PDSS1: variants seen among roughly 807,000 people sequenced by gnomAD.
PDSS1 encodes the protein decaprenyl diphosphate synthase subunit 1.
Under a neutral mutation model 57.5 loss-of-function variants are expected in PDSS1, and 43 were observed. The ratio of observed to expected loss-of-function variants is 0.75; its 90% CI spans 0.59 to 0.96. The LOEUF is 0.96. Among genes scored for constraint, PDSS1 ranks in the 50% least tolerant of loss-of-function variants. The pLI, the probability that PDSS1 is intolerant of heterozygous loss-of-function variation, is 0.00. For missense variants in PDSS1, 438 were observed against 527.8 expected (o/e 0.83, Z 1.67); for synonymous variants, 175 against 191.3 (o/e 0.91, Z 0.70).
chr10:26,723,735 A>T lies in PDSS1; in HGVS notation c.610-71A>T, dbSNP rs1281637052. ...ACTTCCACGAAGCTCCCTTCCAGTC[A>T]GTTTCATCATTGGCTCTACTGCTCT... On this transcript the variant is annotated intron_variant, in intron 6 of 11. Coordinates refer to ENST00000376215, the MANE Select transcript of PDSS1 (RefSeq NM_014317.5). 14 of 1,023,126 alleles carry T rather than the reference A, an allele frequency of 1.4e-5. No homozygotes were observed. In the East Asian group the frequency reaches 3.3e-4, roughly 24 times the overall value. 63.4% of individuals were successfully genotyped at this position (1,023,126 alleles called of 1,614,324 possible). A position where few individuals can be genotyped will look rare whatever the true frequency, so the allele number is the denominator to read the frequency against.
chr10:26,706,869 T>G (rs911184685), intron 4 of PDSS1, among the ~76,000 whole-genome samples: 2 of 152,190 alleles, frequency 1.3e-5, no homozygotes, highest in Non-Finnish European at 2.9e-5. Context: ...GAAGAAAGAA[T>G]TCGACTGAGG....
chr10:26,700,612 A>C (rs1389553549), intron 1 of PDSS1, among the ~76,000 whole-genome samples: 1 of 151,948 alleles, frequency 6.6e-6, no homozygotes, highest in Non-Finnish European at 1.5e-5. Flanking sequence ...TGGTTTTATA[A>C]GTGTTTGGTA....
intron 6 of PDSS1, among the ~76,000 whole-genome samples, chr10:26,722,354 A>C (rs1176421608): frequency 6.6e-6 from 1 of 152,214 alleles, no homozygotes; most frequent in Non-Finnish European, 1.5e-5. Flanking sequence ...ATAAGTACCT[A>C]AATAGTTATG....
chr10:26,741,471 G>A lies in PDSS1; in HGVS notation c.1027-1026G>A, dbSNP rs75475514. Among the ~76,000 whole-genome samples the A allele has an allele frequency of 6.3e-4, 96 of 151,984 alleles. 1 individual carries two copies. In the East Asian group the frequency reaches 0.018, roughly 28 times the overall value. ...GCACCACTCCAGCCTGTGTGATGGA[G>A]CAAGACTCCATCACAGGAGGGGGGG... is the stretch of plus-strand genomic sequence containing the variant. On this transcript the variant is annotated intron_variant, in intron 10 of 11. Transcript: ENST00000376215.
At position 26,727,282 on chromosome 10, in the gene PDSS1, A is replaced by G. The variant is rs114766439; in HGVS notation, c.831+3159A>G. Among the ~76,000 whole-genome samples, 383 of 151,412 alleles carry G rather than the reference A, an allele frequency of 2.5e-3. 1 individual carries two copies. Among genetic ancestry groups the G allele is most frequent in the African/African-American group, 8.7e-3 (359 of 41,270 alleles). ...GTTAAGCCAGACAGTAGCTGAGTTG[A>G]GACTTGAACCCAGAGCTGGGTATGG... is the stretch of plus-strand genomic sequence containing the variant. On this transcript the variant is annotated intron_variant, in intron 8 of 11. Transcript: ENST00000376215.
At position 26,705,313 on chromosome 10, in the gene PDSS1, A is replaced by T; in HGVS notation, c.255A>T (p.Lys85Asn). 1.2e-6 allele frequency: 2 copies of T among 1,612,518 alleles called. No individual in the cohort carries two copies. Among genetic ancestry groups the T allele is most frequent in the Non-Finnish European group, 1.7e-6 (2 of 1,178,690 alleles). Residue 85 changes from lysine to asparagine, a missense_variant, in exon 4 of 12, where the codon AAA becomes AAT. Physicochemically the swap from Lys to Asn is moderately conservative, Grantham distance 94. Around this residue, in one of 2 missense-constraint regions of PDSS1, gnomAD observed 154 missense variants for 137.0 expected, o/e 1.12. Coordinates refer to ENST00000376215, the MANE Select transcript of PDSS1 (RefSeq NM_014317.5). ...SRFHHTTPDS[K>N]THSGEKYTDP... Reference sequence around the variant, plus strand: ...TTCATCACACAACCCCAGACAGTAAAACACACAGTGGTGAAAAATACACCG... The same window carrying T: ...TTCATCACACAACCCCAGACAGTAATACACACAGTGGTGAAAAATACACCG...
Position 26,727,642 on chromosome 10 carries a change from C to T in PDSS1, c.831+3519C>T, listed in dbSNP as rs548408380. On this transcript the variant is annotated intron_variant, in intron 8 of 11. Transcript: ENST00000376215. Reference sequence around the variant, plus strand: ...TCCCGAGTAGCTGGGATTACAGGTGCACACCACCACATGCCACACCTGGCC... The same window carrying T: ...TCCCGAGTAGCTGGGATTACAGGTGTACACCACCACATGCCACACCTGGCC... Among the ~76,000 whole-genome samples, 3 of 152,006 alleles carry T rather than the reference C, an allele frequency of 2.0e-5. No individual in the cohort carries two copies. In the East Asian group the frequency reaches 5.8e-4, roughly 29 times the overall value.
At position 26,742,285 on chromosome 10, in the gene PDSS1, A is replaced by G. The variant is rs10764638; in HGVS notation, c.1027-212A>G. 0.6 allele frequency among the ~76,000 whole-genome samples: 90,923 copies of G among 152,204 alleles called. 29,918 individuals carry two copies. Among genetic ancestry groups the G allele is most frequent in the African/African-American group, 0.89 (37,036 of 41,566 alleles). ...ACAAGGACTAATGTCTTCTCCTCCC[A>G]TACACCACCACAGTGCCTAGGCATA... On this transcript the variant is annotated intron_variant, in intron 10 of 11. Coordinates refer to ENST00000376215, the MANE Select transcript of PDSS1 (RefSeq NM_014317.5).
At chr10:26,718,573 C>A (rs1564424385) in intron 5 of PDSS1, among the ~76,000 whole-genome samples, 1 of 152,032 alleles carries the variant, frequency 6.6e-6, no homozygotes, top group Non-Finnish European at 1.5e-5. Flanking sequence ...CCAGCCTGGT[C>A]AACATGGTGA....
chr10:26,735,767 G>A (rs1836374277), intron 10 of PDSS1, among the ~76,000 whole-genome samples, 188 bp downstream of exon 10: 1 of 152,178 alleles, frequency 6.6e-6, no homozygotes, highest in Non-Finnish European at 1.5e-5. Flanking sequence ...TGCTAAGACT[G>A]TTTCCTTATC....
At position 26,705,410 on chromosome 10, in the gene PDSS1, T is replaced by G. The variant is rs1423080658; in HGVS notation, c.336+16T>G. On this transcript the variant is annotated intron_variant, in intron 4 of 11. Transcript: ENST00000376215. Reference sequence around the variant, plus strand: ...CATTAGAAAGGTGAGTTTTTTATTCTGCTGTGATGTAATGTTTTAGCTTAC... The same window carrying G: ...CATTAGAAAGGTGAGTTTTTTATTCGGCTGTGATGTAATGTTTTAGCTTAC... The G allele has an allele frequency of 1.6e-6, 2 of 1,245,480 alleles. No individual in the cohort carries two copies. The highest frequency in any genetic ancestry group is 2.4e-6 in the Non-Finnish European group (2 of 849,056). The allele number at this position is 1,245,480 out of a possible 1,614,324, so 77.2% of individuals were successfully genotyped here. A position where few individuals can be genotyped will look rare whatever the true frequency, so the allele number is the denominator to read the frequency against.
intron 1 of PDSS1, among the ~76,000 whole-genome samples, chr10:26,699,381 GCTTCTT>G (rs1201212881): frequency 6.8e-6 from 1 of 147,734 alleles, no homozygotes; most frequent in Non-Finnish European, 1.5e-5. Flanking sequence ...GCCACTACAT[GCTTCTT>G]CTTCTTCTTC....
At chr10:26,734,076 C>G (rs1025642941) in intron 8 of PDSS1, among the ~76,000 whole-genome samples, 1 of 152,198 alleles carries the variant, frequency 6.6e-6, no homozygotes, top group Non-Finnish European at 1.5e-5. Flanking sequence ...TCACAGCAAC[C>G]CTACAAGGTA....
At chr10:26,723,680 T>TA (rs1835857028) in intron 6 of PDSS1, 126 bp from the exon 7 acceptor site, 3 of 761,392 alleles carry the variant, frequency 3.9e-6, no homozygotes, top group Admixed American at 3.6e-5. Context: ...AAGAAGAAGG[T>TA]AAAAAACCCT....
At chr10:26,741,076 C>T (rs1445604241) in intron 10 of PDSS1, among the ~76,000 whole-genome samples, 6 of 147,292 alleles carry the variant, frequency 4.1e-5, no homozygotes, top group Non-Finnish European at 7.4e-5. Flanking sequence ...TCAACCTTGG[C>T]GGCACATTAA....
At position 26,709,749 on chromosome 10, in the gene PDSS1, A is replaced by G; in HGVS notation, c.448A>G (p.Ile150Val). The change falls in exon 5 of 12, where the codon ATT (isoleucine) becomes GTT (valine). Residue 150 changes from isoleucine (I) to valine (V), a missense_variant. Physicochemically the swap from Ile to Val is conservative, Grantham distance 29. Transcript: ENST00000376215. ...IVALMARACNIHHNNSRHVQA... is the reference protein window; with the variant it reads ...IVALMARACNVHHNNSRHVQA... Reference sequence around the variant, plus strand: ...GGCGCTAATGGCCCGAGCATGCAATATTCATCATAACAACTCCCGGTGAGC... The same window carrying G: ...GGCGCTAATGGCCCGAGCATGCAATGTTCATCATAACAACTCCCGGTGAGC... 6.2e-7 allele frequency: 1 copy of G among 1,613,888 alleles called. No homozygotes were observed. Among genetic ancestry groups the G allele is most frequent in the Non-Finnish European group, 8.5e-7 (1 of 1,179,804 alleles).
chr10:26,719,261 G>A (rs145921871), intron 5 of PDSS1, among the ~76,000 whole-genome samples: 1 of 152,284 alleles, frequency 6.6e-6, no homozygotes, highest in East Asian at 1.9e-4. Context: ...GATGATGGTG[G>A]TAATAATGAT....
chr10:26,745,107 T>A (rs1588714408), intron 11 of PDSS1, among the ~76,000 whole-genome samples: 2 of 152,042 alleles, frequency 1.3e-5, no homozygotes, highest in South Asian at 4.2e-4. Context: ...GAGGTTGCAG[T>A]GAGCCAAGAT....
chr10:26,745,738 T>C (rs1039921582), intron 11 of PDSS1, among the ~76,000 whole-genome samples: 5 of 151,952 alleles, frequency 3.3e-5, no homozygotes, highest in Non-Finnish European at 7.4e-5. Flanking sequence ...TCCCAGCTAC[T>C]TGGGAGGCTG....
Sources: gnomAD v4.1 joint callset for allele counts (sites outside exome capture counted in the v4.1 genomes callset) on GRCh38, gnomAD v4.1.1 for gene constraint, gnomAD v4.1.1 regional missense constraint, MANE v1.5 for transcripts, NCBI Gene and HGNC (gene_info 2026-07-23, HGNC 2026-07-21) for gene names.